Variants in LEMD3 observed in about 807,000 individuals in gnomAD.
LEMD3 encodes LEM domain containing 3.
LEMD3 carries 33 observed loss-of-function variants against 95.2 expected under a neutral mutation model. That is an observed-to-expected ratio of 0.35 (90% CI 0.26 to 0.46). The LOEUF (loss-of-function observed/expected upper bound fraction) is 0.46. Among genes scored for constraint, LEMD3 ranks in the 20% least tolerant of loss-of-function variants. LEMD3 has a pLI of 1.00. For synonymous variants in LEMD3, 525 were observed against 474.6 expected (o/e 1.11, Z -1.38); for missense variants, 1,210 against 1,192.8 (o/e 1.01, Z -0.21).
intron 4 of LEMD3, among the ~76,000 whole-genome samples, chr12:65,219,986 T>C (rs1236332042): frequency 6.6e-6 from 1 of 152,254 alleles, no homozygotes; most frequent in Non-Finnish European, 1.5e-5. Context: ...TCTTGGCTAT[T>C]GTGAATAATT....
Position 65,170,351 on chromosome 12 carries a change from A to G in LEMD3, c.755A>G (p.Tyr252Cys), listed in dbSNP as rs958592641. 2 of 1,609,666 alleles carry G rather than the reference A, an allele frequency of 1.2e-6. No homozygotes were observed. Among genetic ancestry groups the G allele is most frequent in the African/African-American group, 1.3e-5 (1 of 74,796 alleles). ...RTVNGSRLVP[Y>C]SCRENYSDSE... Reference sequence around the variant, plus strand: ...GTGAATGGCAGCCGGCTTGTCCCCTACAGCTGCCGGGAAAACTATTCGGAC... The same window carrying G: ...GTGAATGGCAGCCGGCTTGTCCCCTGCAGCTGCCGGGAAAACTATTCGGAC... Residue 252 changes from tyrosine (Y) to cysteine (C), a missense_variant, in exon 1 of 13, where the codon TAC (tyrosine) becomes TGC (cysteine). Around this residue, in one of 2 missense-constraint regions of LEMD3, gnomAD observed 749 missense variants for 622.9 expected, o/e 1.20. Transcript: ENST00000308330.
chr12:65,223,381 G>T (rs1329558006), intron 4 of LEMD3, among the ~76,000 whole-genome samples: 1 of 142,742 alleles, frequency 7.0e-6, no homozygotes, highest in African/African-American at 2.6e-5. Flanking sequence ...ATAGCTTACT[G>T]CAATCTCAAA....
At chr12:65,240,727 C>T (rs2136355207) in intron 8 of LEMD3, 182 bp from the exon 9 acceptor site, 1 of 621,956 alleles carries the variant, frequency 1.6e-6, no homozygotes, top group South Asian at 2.0e-5. Context: ...TGTTTGTGCT[C>T]TAGCTCTGGA....
In LEMD3 at chr12:65,170,308, C is replaced by T; in HGVS notation, c.712C>T (p.Leu238Phe). 1 of 1,589,636 alleles carries T rather than the reference C, an allele frequency of 6.3e-7. No homozygotes were observed. Among genetic ancestry groups the T allele is most frequent in the Non-Finnish European group, 8.6e-7 (1 of 1,168,074 alleles). The change falls in exon 1 of 13, where the codon CTC (leucine) becomes TTC (phenylalanine). Residue 238 changes from leucine to phenylalanine, a missense_variant. By Grantham distance (22) the Leu-to-Phe change is conservative. This residue lies in a region of LEMD3 where 749 missense variants were observed against 622.9 expected (regional missense o/e 1.20). Coordinates refer to ENST00000308330, the MANE Select transcript of LEMD3 (RefSeq NM_014319.5). ...GAGGGACCCGGAGACCGAGGAGCCG[C>T]TCTGGGCGAGCCGGACCGTGAATGG... ...EERDPETEEP[L>F]WASRTVNGSR...
rs186381541 is a variant in LEMD3, at chr12:65,216,492, T to C, written c.1627+449T>C. Reference sequence around the variant, plus strand: ...CGGATTAATTGCATTTTCCTCATAGTCTGCTCTTAGTAATTCTTTGAGAGC... The same window carrying C: ...CGGATTAATTGCATTTTCCTCATAGCCTGCTCTTAGTAATTCTTTGAGAGC... On this transcript the variant is annotated intron_variant, in intron 3 of 12. Transcript: ENST00000308330. 4.6e-5 allele frequency among the ~76,000 whole-genome samples: 7 copies of C among 152,234 alleles called. No homozygotes were observed. In the East Asian group the frequency reaches 1.4e-3, roughly 29 times the overall value.
At chr12:65,192,319 G>A (rs912477334) in intron 1 of LEMD3, among the ~76,000 whole-genome samples, 4 of 151,924 alleles carry the variant, frequency 2.6e-5, no homozygotes, top group Admixed American at 6.6e-5. Context: ...CCTTTTTCAC[G>A]GTTGCTTTTC....
chr12:65,229,860 A>AT (rs1870568835), intron 4 of LEMD3, among the ~76,000 whole-genome samples: 3 of 152,074 alleles, frequency 2.0e-5, no homozygotes, highest in Admixed American at 2.0e-4. Context: ...TTATTTTTGC[A>AT]TTTGTGTCTT....
chr12:65,181,212 A>G (rs953101077), intron 1 of LEMD3, among the ~76,000 whole-genome samples: 1 of 152,146 alleles, frequency 6.6e-6, no homozygotes, highest in South Asian at 2.1e-4. Flanking sequence ...CTTATTAAGG[A>G]CTTCCTTAGT....
intron 1 of LEMD3, among the ~76,000 whole-genome samples, chr12:65,201,752 A>G (rs2136330649): frequency 6.6e-6 from 1 of 152,016 alleles, no homozygotes; most frequent in Non-Finnish European, 1.5e-5. Context: ...TCTTCTTTCA[A>G]CCTCTGTACT....
intron 4 of LEMD3, among the ~76,000 whole-genome samples, chr12:65,232,555 A>G (rs1870661090): frequency 6.6e-6 from 1 of 152,168 alleles, no homozygotes; most frequent in African/African-American, 2.4e-5. Context: ...CTTCAAAGGA[A>G]ATTTAAATAA....
intron 4 of LEMD3, among the ~76,000 whole-genome samples, chr12:65,222,218 A>C (rs1159110123): frequency 3.3e-5 from 5 of 152,040 alleles, no homozygotes; most frequent in Non-Finnish European, 1.5e-5. Flanking sequence ...TGATCATGTG[A>C]TTTTAATCCT....
chr12:65,176,559 G>C (rs908708278), intron 1 of LEMD3, among the ~76,000 whole-genome samples: 21 of 152,112 alleles, frequency 1.4e-4, no homozygotes, highest in Admixed American at 2.6e-4. Context: ...TTATATTTGT[G>C]TGTCCACCAT....
chr12:65,246,264 T>A lies in LEMD3; in HGVS notation c.2675T>A (p.Met892Lys), dbSNP rs1217903874. 1 of 1,613,470 alleles carries A rather than the reference T, an allele frequency of 6.2e-7. No homozygotes were observed. The highest frequency in any genetic ancestry group is 8.5e-7 in the Non-Finnish European group (1 of 1,179,584). The change falls in exon 13 of 13, where the codon ATG becomes AAG. Residue 892 changes from methionine to lysine, a missense_variant. By Grantham distance (95) the Met-to-Lys change is moderately conservative. Transcript: ENST00000308330. ...NTPLKPSNKH[M>K]NSMSHLRLRT... ...CCATTGAAGCCATCAAATAAACATA[T>A]GAACTCCATGTCTCATCTTCGTCTT... is the stretch of plus-strand genomic sequence containing the variant.
rs1466321421 is a variant in LEMD3 at position 65,216,013 on chromosome 12, A to G, written c.1597A>G (p.Lys533Glu). The change falls in exon 3 of 13, where the codon AAG (lysine) becomes GAG (glutamate). Residue 533 changes from lysine (K) to glutamate (E), a missense_variant. Coordinates refer to ENST00000308330, the MANE Select transcript of LEMD3 (RefSeq NM_014319.5). ...AACTCTTATGATGAACACATTATAT[A>G]AGCTTCATGATCGATTGGCACAGCT... is the stretch of plus-strand genomic sequence containing the variant. ...EKTLMMNTLY[K>E]LHDRLAQLAG... 6 of 1,592,150 alleles carry G rather than the reference A, an allele frequency of 3.8e-6. No individual in the cohort carries two copies. The highest frequency in any genetic ancestry group is 2.3e-5 in the East Asian group (1 of 44,436).
chr12:65,240,413 T>G (rs1304991870), intron 8 of LEMD3, among the ~76,000 whole-genome samples, 175 bp downstream of exon 8: 2 of 152,206 alleles, frequency 1.3e-5, no homozygotes, highest in African/African-American at 4.8e-5. Flanking sequence ...TTCTCTTCCA[T>G]TCTCCTGATT....
At position 65,177,800 on chromosome 12, in the gene LEMD3, T is replaced by G. The variant is rs374648791; in HGVS notation, c.1522+6682T>G. Among the ~76,000 whole-genome samples, 245 of 151,960 alleles carry G rather than the reference T, an allele frequency of 1.6e-3. 3 individuals are homozygous for G. The Middle Eastern group carries it at 0.027, about 17-fold the overall frequency. ...CCGAACTTGGTATCTAAAATGAATA[T>G]GGGGAATAAGGATTTTGAAAAATAG... On this transcript the variant is annotated intron_variant, in intron 1 of 12. Transcript: ENST00000308330.
intron 3 of LEMD3, among the ~76,000 whole-genome samples, chr12:65,216,267 A>G (rs1870108590): frequency 6.6e-6 from 1 of 151,750 alleles, no homozygotes. Flanking sequence ...TATATATAAT[A>G]TAGTTATAAA....
chr12:65,180,136 A>C (rs878926885), intron 1 of LEMD3, among the ~76,000 whole-genome samples: 1 of 151,610 alleles, frequency 6.6e-6, no homozygotes, highest in Admixed American at 6.6e-5. Flanking sequence ...AGTAGAGATG[A>C]GGTTTCACCA....
chr12:65,181,972 T>C (rs2136319762), intron 1 of LEMD3, among the ~76,000 whole-genome samples: 1 of 152,190 alleles, frequency 6.6e-6, no homozygotes, highest in African/African-American at 2.4e-5. Flanking sequence ...AGAGCAAACA[T>C]TTATTGAGAA....
Sources: gnomAD v4.1 joint callset for allele counts (sites outside exome capture counted in the v4.1 genomes callset) on GRCh38, gnomAD v4.1.1 for gene constraint, gnomAD v4.1.1 regional missense constraint, MANE v1.5 for transcripts, NCBI Gene and HGNC (gene_info 2026-07-23, HGNC 2026-07-21) for gene names.